Variants in CDH12 observed in about 807,000 individuals in gnomAD.
CDH12 encodes cadherin-12.
In CDH12, 41 loss-of-function variants were observed where a neutral mutation model predicts 74.1. That is an observed-to-expected ratio of 0.55 (90% CI 0.43 to 0.72). CDH12 has a LOEUF of 0.72. Among genes scored for constraint, CDH12 ranks in the 30% least tolerant of loss-of-function variants. CDH12 has a pLI of 0.00. For synonymous variants in CDH12, 399 were observed against 355.0 expected (o/e 1.12, Z -1.39); for missense variants, 945 against 977.2 (o/e 0.97, Z 0.44).
intron 3 of CDH12, among the ~76,000 whole-genome samples, chr5:22,225,965 T>A (rs1752180338): frequency 6.6e-6 from 1 of 151,188 alleles, no homozygotes; most frequent in South Asian, 2.1e-4. Context: ...ATCAGGAGTA[T>A]AACATGAAAC....
chr5:21,755,086 T>C (rs1744309793), intron 14 of CDH12, among the ~76,000 whole-genome samples: 1 of 152,198 alleles, frequency 6.6e-6, no homozygotes, highest in Non-Finnish European at 1.5e-5. Flanking sequence ...AAGACAAATT[T>C]GAGGATTACT....
intron 3 of CDH12, among the ~76,000 whole-genome samples, chr5:22,213,961 AAGAG>A (rs780639110): frequency 1.1e-4 from 16 of 151,678 alleles, no homozygotes; most frequent in East Asian, 1.9e-4. Flanking sequence ...GTGTGTGAGA[AAGAG>A]AGAGAGGAAG....
intron 3 of CDH12, among the ~76,000 whole-genome samples, chr5:22,253,770 T>C (rs562525701): frequency 1.3e-5 from 2 of 151,844 alleles, no homozygotes; most frequent in East Asian, 3.9e-4. Context: ...CTCTTCCTAC[T>C]CCTCCTCTTT....
intron 2 of CDH12, among the ~76,000 whole-genome samples, chr5:22,413,647 G>T (rs1743256567): frequency 6.6e-6 from 1 of 151,938 alleles, no homozygotes; most frequent in Non-Finnish European, 1.5e-5. Context: ...AATAGCTATG[G>T]CATATGGGCT....
At chr5:22,603,174 A>G (rs925360035) in intron 1 of CDH12, among the ~76,000 whole-genome samples, 1 of 152,194 alleles carries the variant, frequency 6.6e-6, no homozygotes, top group African/African-American at 2.4e-5. Context: ...CACAAGAAAT[A>G]CAGAAAACCA....
intron 6 of CDH12, among the ~76,000 whole-genome samples, chr5:21,948,124 C>A (rs1431940664): frequency 1.3e-5 from 2 of 152,196 alleles, no homozygotes; most frequent in Non-Finnish European, 2.9e-5. Context: ...CATGGAGAAC[C>A]TCTGCTAGGG....
chr5:22,754,173 G>A (rs967876831), intron 1 of CDH12, among the ~76,000 whole-genome samples: 3 of 152,138 alleles, frequency 2.0e-5, no homozygotes, highest in Non-Finnish European at 2.9e-5. Flanking sequence ...GAAAGAAATT[G>A]AATCAGTAAA....
At chr5:21,880,225 T>C (rs981072064) in intron 6 of CDH12, among the ~76,000 whole-genome samples, 16 of 152,252 alleles carry the variant, frequency 1.1e-4, no homozygotes, top group African/African-American at 3.9e-4. Context: ...GATGAGTACC[T>C]ATGGCTCAAA....
At chr5:22,270,271 A>T (rs1213237151) in intron 3 of CDH12, among the ~76,000 whole-genome samples, 2 of 152,178 alleles carry the variant, frequency 1.3e-5, no homozygotes, top group Non-Finnish European at 2.9e-5. Context: ...CTTGAAGTAT[A>T]GTTTATGCCC....
intron 1 of CDH12, among the ~76,000 whole-genome samples, chr5:22,750,726 T>C (rs1420961600): frequency 6.6e-6 from 1 of 152,004 alleles, no homozygotes; most frequent in East Asian, 1.9e-4. Flanking sequence ...TGGAAGTACA[T>C]TGAGGAAGTA....
chr5:22,519,180 A>C (rs1466303197), intron 1 of CDH12, among the ~76,000 whole-genome samples: 2 of 152,124 alleles, frequency 1.3e-5, no homozygotes, highest in Non-Finnish European at 2.9e-5. Flanking sequence ...AGTATCCAAG[A>C]GGCACAGGAC....
chr5:22,468,477 T>G (rs1277255159), intron 2 of CDH12, among the ~76,000 whole-genome samples: 1 of 152,162 alleles, frequency 6.6e-6, no homozygotes, highest in East Asian at 1.9e-4. Flanking sequence ...AAATACAATA[T>G]TCAGTTTTTG....
chr5:22,133,799 G>A (rs146108904), intron 4 of CDH12, among the ~76,000 whole-genome samples: 1 of 144,620 alleles, frequency 6.9e-6, no homozygotes, highest in Non-Finnish European at 1.5e-5. Flanking sequence ...AACAGTTAAA[G>A]TATGCTAGTC....
intron 7 of CDH12, among the ~76,000 whole-genome samples, chr5:21,848,698 C>G (rs1266743076): frequency 6.6e-6 from 1 of 151,778 alleles, no homozygotes; most frequent in African/African-American, 2.4e-5. Context: ...AATTTAGGGG[C>G]CATATTGTCC....
At chr5:21,849,698 C>T (rs1175868920) in intron 7 of CDH12, among the ~76,000 whole-genome samples, 1 of 151,634 alleles carries the variant, frequency 6.6e-6, no homozygotes, top group Non-Finnish European at 1.5e-5. Flanking sequence ...TAATTTATTT[C>T]ACCAGTACCA....
intron 3 of CDH12, among the ~76,000 whole-genome samples, chr5:22,290,441 A>T (rs1348705035): frequency 6.6e-6 from 1 of 152,214 alleles, no homozygotes; most frequent in Admixed American, 6.5e-5. Context: ...TAATAGAGGG[A>T]TTAGAATGAC....
At chr5:22,523,985 T>TA (rs202069700) in intron 1 of CDH12, among the ~76,000 whole-genome samples, 5,065 of 147,978 alleles carry the variant, frequency 0.034, 164 homozygotes, top group African/African-American at 0.089. Context: ...ATTATTATTT[T>TA]TTTTTTTTTT....
At chr5:22,434,654 T>A (rs1744307271) in intron 2 of CDH12, among the ~76,000 whole-genome samples, 1 of 152,146 alleles carries the variant, frequency 6.6e-6, no homozygotes, top group Admixed American at 6.6e-5. Flanking sequence ...CTTGCAGACT[T>A]TTATATAACG....
intron 6 of CDH12, among the ~76,000 whole-genome samples, chr5:21,967,319 A>G (rs1756629585): frequency 6.6e-6 from 1 of 152,210 alleles, no homozygotes; most frequent in Non-Finnish European, 1.5e-5. Context: ...AATAGAATAG[A>G]GCAAACAAGG....
Sources: allele counts gnomAD v4.1 joint callset (sites outside exome capture counted in the v4.1 genomes callset), GRCh38; gene constraint gnomAD v4.1.1; transcripts MANE v1.5; gene names NCBI Gene and HGNC (gene_info 2026-07-23, HGNC 2026-07-21).